Variants in VOPP1 observed in about 807,000 individuals in gnomAD.
The protein encoded by VOPP1 is VOPP1 WW domain binding protein.
A neutral mutation model predicts 23.5 loss-of-function variants in VOPP1; 8 were observed. That is an observed-to-expected ratio of 0.34 (90% CI 0.20 to 0.61). The LOEUF (loss-of-function observed/expected upper bound fraction) is 0.61, where lower values mean the gene tolerates loss of function less well. Among genes scored for constraint, VOPP1 ranks in the 20% least tolerant of loss-of-function variants. VOPP1 has a pLI of 0.78. For missense variants in VOPP1, 174 were observed against 238.1 expected (o/e 0.73, Z 1.77); for synonymous variants, 83 against 97.3 (o/e 0.85, Z 0.86).
At chr7:55,477,882 C>G (rs957070537) in intron 4 of VOPP1, among the ~76,000 whole-genome samples, 2 of 152,190 alleles carry the variant, frequency 1.3e-5, no homozygotes, top group Non-Finnish European at 2.9e-5. Flanking sequence ...GATGCTGGAG[C>G]CTCATGTGAG....
Position 55,484,448 on chromosome 7 carries a change from G to T in VOPP1, c.328+7834C>A, listed in dbSNP as rs561401276. 2.0e-5 allele frequency among the ~76,000 whole-genome samples: 3 copies of T among 152,186 alleles called. No homozygotes were observed. In the South Asian group the frequency reaches 6.2e-4, roughly 32 times the overall value. On this transcript the variant is annotated intron_variant, in intron 4 of 4. Coordinates refer to ENST00000285279, the MANE Select transcript of VOPP1 (RefSeq NM_030796.5). The stretch of plus-strand genomic sequence containing the variant: ...CTCCAACCTACAGTCGCTGGGGGGT[G>T]GGGGTGAGCAGCAGTGCAGGCTGGA...
At chr7:55,485,323 C>A (rs932136712) in intron 4 of VOPP1, among the ~76,000 whole-genome samples, 1 of 152,178 alleles carries the variant, frequency 6.6e-6, no homozygotes, top group African/African-American at 2.4e-5. Flanking sequence ...CACAAAAACA[C>A]CATTTCACAT....
chr7:55,545,956 A>C (rs1797349273), intron 1 of VOPP1, among the ~76,000 whole-genome samples: 1 of 152,204 alleles, frequency 6.6e-6, no homozygotes, highest in Non-Finnish European at 1.5e-5. Context: ...AATACCAGCT[A>C]TTCAGGAAGC....
intron 4 of VOPP1, among the ~76,000 whole-genome samples, chr7:55,477,765 T>C (rs144594593): frequency 1.1e-4 from 17 of 152,136 alleles, no homozygotes; most frequent in South Asian, 4.2e-4. Flanking sequence ...AGAGAACGGA[T>C]AGAAAATGAA....
chr7:55,537,754 G>C (rs972195625), intron 1 of VOPP1: 3 of 1,377,332 alleles, frequency 2.2e-6, no homozygotes, highest in Non-Finnish European at 2.8e-6. Context: ...TGAAAAGCAG[G>C]TCCGGCCCCC....
chr7:55,435,622 T>C (rs957048162), downstream of VOPP1, among the ~76,000 whole-genome samples: 11 of 152,192 alleles, frequency 7.2e-5, no homozygotes, highest in African/African-American at 2.2e-4. Flanking sequence ...GGCTATTCCA[T>C]CCATTGTCTC....
chr7:55,493,815 C>G (rs910009106), intron 3 of VOPP1, among the ~76,000 whole-genome samples: 4 of 152,148 alleles, frequency 2.6e-5, no homozygotes, highest in Non-Finnish European at 5.9e-5. Flanking sequence ...AAGAAGAATA[C>G]TGTGTGTGTG....
chr7:55,562,925 A>G (rs1798036226), intron 1 of VOPP1, among the ~76,000 whole-genome samples: 1 of 152,196 alleles, frequency 6.6e-6, no homozygotes, highest in Admixed American at 6.5e-5. Flanking sequence ...GTAGATTACT[A>G]TGCGGTCTGG....
At chr7:55,463,483 T>G (rs1490436665) in intron 4 of VOPP1, among the ~76,000 whole-genome samples, 2 of 152,234 alleles carry the variant, frequency 1.3e-5, no homozygotes, top group Non-Finnish European at 1.5e-5. Flanking sequence ...GTAGGATGCT[T>G]TGGCTTTTAT....
At chr7:55,532,584 AAAAC>A (rs371793391) in intron 1 of VOPP1, among the ~76,000 whole-genome samples, 166 of 152,380 alleles carry the variant, frequency 1.1e-3, no homozygotes, top group African/African-American at 3.6e-3. Context: ...ATGAACCAGA[AAAAC>A]AAACAAACAA....
At chr7:55,520,938 A>T in intron 2 of VOPP1, 134 bp downstream of exon 2, 1 of 881,176 alleles carries the variant, frequency 1.1e-6, no homozygotes, top group Non-Finnish European at 1.8e-6. Context: ...TCCCCCAGTG[A>T]GGCAAGCCTG....
Position 55,465,543 on chromosome 7 carries a change from G to A in VOPP1, n.417+26739C>T, listed in dbSNP as rs573888161. 2.5e-4 allele frequency among the ~76,000 whole-genome samples: 38 copies of A among 152,344 alleles called. No homozygotes were observed. In the Middle Eastern group the frequency reaches 0.02, roughly 82 times the overall value. ...CCACAGACCGACTCCTCACAGATGA[G>A]CAAAAGCTTGGGTGGGAGCTTATTT... On this transcript the variant is annotated intron_variant and non_coding_transcript_variant, in intron 4 of 4. Coordinates refer to the VOPP1 transcript ENST00000462326.
chr7:55,485,974 G>C (rs1793111085), intron 4 of VOPP1, among the ~76,000 whole-genome samples: 1 of 152,256 alleles, frequency 6.6e-6, no homozygotes, highest in Admixed American at 6.5e-5. Context: ...CAGCGAGGCG[G>C]GCGGGGGACC....
At chr7:55,480,793 T>C (rs1037532422) in intron 4 of VOPP1, among the ~76,000 whole-genome samples, 2 of 152,218 alleles carry the variant, frequency 1.3e-5, no homozygotes, top group South Asian at 2.1e-4. Context: ...CTATGTCCAT[T>C]TGTGTGTTCA....
chr7:55,504,479 C>T lies in VOPP1; in HGVS notation c.114-6789G>A, dbSNP rs1232668601. Among the ~76,000 whole-genome samples the T allele has an allele frequency of 2.6e-5, 4 of 152,220 alleles. No individual in the cohort carries two copies. The South Asian group carries it at 6.2e-4, about 24-fold the overall frequency. Reference sequence around the variant, plus strand: ...AGAGGAAGACTCGGTCCTTAGCCACCCAGTGCCCCAGCAAATCTCCTTGTA... The same window carrying T: ...AGAGGAAGACTCGGTCCTTAGCCACTCAGTGCCCCAGCAAATCTCCTTGTA... On this transcript the variant is annotated intron_variant, in intron 2 of 4. Transcript: ENST00000285279.
intron 4 of VOPP1, among the ~76,000 whole-genome samples, chr7:55,447,359 G>A (rs1791126858): frequency 6.6e-6 from 1 of 152,182 alleles, no homozygotes; most frequent in African/African-American, 2.4e-5. Context: ...TGACTCCCAA[G>A]TTCACGGTGC....
intron 4 of VOPP1, among the ~76,000 whole-genome samples, chr7:55,449,717 G>A (rs886196416): frequency 1.3e-4 from 20 of 152,142 alleles, no homozygotes; most frequent in African/African-American, 4.8e-4. Flanking sequence ...CCTGTCCTGG[G>A]AGAGGAGAGC....
downstream of VOPP1, among the ~76,000 whole-genome samples, chr7:55,435,485 G>A (rs1300701749): frequency 6.6e-6 from 1 of 152,172 alleles, no homozygotes; most frequent in African/African-American, 2.4e-5. Flanking sequence ...AAAGTCCAGC[G>A]TGACCAAGTC....
intron 1 of VOPP1, among the ~76,000 whole-genome samples, chr7:55,535,457 C>T (rs1226361464): frequency 1.3e-5 from 2 of 152,206 alleles, no homozygotes; most frequent in African/African-American, 4.8e-5. Flanking sequence ...AGGGAGTGTC[C>T]TTCTGGCCTG....
Sources: gnomAD v4.1 joint callset for allele counts (sites outside exome capture counted in the v4.1 genomes callset) on GRCh38, gnomAD v4.1.1 for gene constraint, MANE v1.5 for transcripts, NCBI Gene and HGNC (gene_info 2026-07-23, HGNC 2026-07-21) for gene names.